The following CHCHD6 variants were observed in gnomAD, a reference collection of about 807,000 sequenced individuals.
CHCHD6 encodes the protein coiled-coil-helix-coiled-coil-helix domain containing 6.
CHCHD6 carries 28 observed loss-of-function variants against 32.3 expected under a neutral mutation model. The ratio of observed to expected loss-of-function variants is 0.87; its 90% confidence interval spans 0.64 to 1.19. The LOEUF (loss-of-function observed/expected upper bound fraction) is 1.19. Among genes scored for constraint, CHCHD6 ranks in the 50% most tolerant of loss-of-function variants. CHCHD6 has a pLI of 0.00. For missense variants in CHCHD6, 333 were observed against 307.0 expected, an observed-to-expected ratio of 1.08 and a Z score of -0.63; for synonymous variants, 122 against 117.5, an observed-to-expected ratio of 1.04 and a Z score of -0.25.
At chr3:126,825,644 A>G (rs1940356288) in intron 4 of CHCHD6, among the ~76,000 whole-genome samples, 1 of 152,156 alleles carries the variant, frequency 6.6e-6, no homozygotes, top group Non-Finnish European at 1.5e-5. Flanking sequence ...TCTTTGTAAA[A>G]TATCTTTCTT....
At chr3:126,928,500 G>A (rs749666931) in intron 6 of CHCHD6, among the ~76,000 whole-genome samples, 1 of 152,108 alleles carries the variant, frequency 6.6e-6, no homozygotes, top group African/African-American at 2.4e-5. Context: ...CTGGCCGCAC[G>A]TCACCTGTGG....
chr3:126,923,535 G>A (rs2078282464), intron 6 of CHCHD6, among the ~76,000 whole-genome samples: 1 of 152,130 alleles, frequency 6.6e-6, no homozygotes, highest in African/African-American at 2.4e-5. Flanking sequence ...CATGCAGCAG[G>A]GCTCTGTCTG....
At chr3:126,846,233 C>T (rs1405059920) in intron 4 of CHCHD6, among the ~76,000 whole-genome samples, 1 of 152,202 alleles carries the variant, frequency 6.6e-6, no homozygotes, top group Non-Finnish European at 1.5e-5. Context: ...TACAACCTGA[C>T]TCAGAGGTTG....
chr3:126,805,021 C>T (rs1334449415), intron 4 of CHCHD6, among the ~76,000 whole-genome samples: 1 of 152,118 alleles, frequency 6.6e-6, no homozygotes, highest in East Asian at 1.9e-4. Context: ...TAAAAACTCT[C>T]AATAAATTAG....
intron 5 of CHCHD6, among the ~76,000 whole-genome samples, chr3:126,855,522 C>T (rs1435270176): frequency 1.3e-5 from 2 of 152,164 alleles, no homozygotes; most frequent in African/African-American, 4.8e-5. Flanking sequence ...AATGGATGAG[C>T]ATGTGTGCAT....
At chr3:126,807,713 C>G (rs562159594) in intron 4 of CHCHD6, among the ~76,000 whole-genome samples, 4 of 152,322 alleles carry the variant, frequency 2.6e-5, no homozygotes, top group African/African-American at 9.6e-5. Context: ...CAGGATACAT[C>G]ATGAAATTTT....
At chr3:126,805,678 T>C (rs1576438712) in intron 4 of CHCHD6, among the ~76,000 whole-genome samples, 2 of 152,234 alleles carry the variant, frequency 1.3e-5, no homozygotes, top group African/African-American at 2.4e-5. Context: ...CAATGACTTT[T>C]TTCACAGAAT....
At chr3:126,861,580 TCCTCCATCACTA>T (rs1469949975) in intron 5 of CHCHD6, among the ~76,000 whole-genome samples, 2 of 149,692 alleles carry the variant, frequency 1.3e-5, no homozygotes, top group South Asian at 2.1e-4. Context: ...ATCCTCCTCA[TCCTCCATCACTA>T]CCTCCACCAT....
At chr3:126,798,612 G>T (rs573792302) in intron 4 of CHCHD6, among the ~76,000 whole-genome samples, 212 of 20,552 alleles carry the variant, frequency 0.01, no homozygotes, top group African/African-American at 0.074. Flanking sequence ...CCGCTCTGTG[G>T]CTTGGAGCTG....
At chr3:126,733,914 A>G (rs895293005) in intron 4 of CHCHD6, among the ~76,000 whole-genome samples, 31 of 152,124 alleles carry the variant, frequency 2.0e-4, no homozygotes, top group African/African-American at 7.0e-4. Flanking sequence ...TAGCATCATC[A>G]TGGACCTGGT....
At chr3:126,891,510 A>C (rs2077759544) in intron 5 of CHCHD6, among the ~76,000 whole-genome samples, 1 of 152,112 alleles carries the variant, frequency 6.6e-6, no homozygotes, top group Non-Finnish European at 1.5e-5. Context: ...AGGAACCAGG[A>C]GGCAGTTCCA....
At chr3:126,716,163 T>C (rs532310269) in intron 1 of CHCHD6, among the ~76,000 whole-genome samples, 1 of 152,298 alleles carries the variant, frequency 6.6e-6, no homozygotes, top group South Asian at 2.1e-4. Context: ...TGACTCCCAG[T>C]TCCAGCTTCC....
At chr3:126,896,513 G>A (rs1305364419) in intron 5 of CHCHD6, among the ~76,000 whole-genome samples, 1 of 152,170 alleles carries the variant, frequency 6.6e-6, no homozygotes, top group East Asian at 1.9e-4. Flanking sequence ...TGGTCTCTCA[G>A]AGTTCCTTTC....
intron 4 of CHCHD6, among the ~76,000 whole-genome samples, chr3:126,741,668 G>C (rs1455631909): frequency 6.6e-6 from 1 of 152,194 alleles, no homozygotes; most frequent in African/African-American, 2.4e-5. Context: ...GAAACAACTG[G>C]ATAAGACTCT....
chr3:126,877,223 T>C (rs1168533179), intron 5 of CHCHD6, among the ~76,000 whole-genome samples: 1 of 152,078 alleles, frequency 6.6e-6, no homozygotes, highest in Non-Finnish European at 1.5e-5. Context: ...TTATATATAG[T>C]TTGGCTTTTA....
At chr3:126,748,609 A>AG (rs201663161) in intron 4 of CHCHD6, among the ~76,000 whole-genome samples, 3,610 of 151,786 alleles carry the variant, frequency 0.024, 68 homozygotes, top group Non-Finnish European at 0.038. Context: ...AAAAAAAAAA[A>AG]AAAGAAAGAA....
intron 4 of CHCHD6, among the ~76,000 whole-genome samples, chr3:126,763,946 A>G (rs1363213720): frequency 2.6e-5 from 4 of 152,114 alleles, no homozygotes; most frequent in African/African-American, 9.7e-5. Flanking sequence ...ATGCTTTACA[A>G]TGGTTAAAAA....
At chr3:126,903,529 C>T (rs1213944181) in intron 5 of CHCHD6, among the ~76,000 whole-genome samples, 1 of 152,184 alleles carries the variant, frequency 6.6e-6, no homozygotes, top group African/African-American at 2.4e-5. Flanking sequence ...CTTCATGTCC[C>T]TTGATTTTTA....
chr3:126,771,728 G>C (rs1937546222), intron 4 of CHCHD6, among the ~76,000 whole-genome samples: 1 of 152,028 alleles, frequency 6.6e-6, no homozygotes, highest in Non-Finnish European at 1.5e-5. Context: ...TTGTGATTTA[G>C]GTTGTTAATT....
Sources: gnomAD v4.1 joint callset for allele counts (sites outside exome capture counted in the v4.1 genomes callset) on GRCh38, gnomAD v4.1.1 for gene constraint, MANE v1.5 for transcripts, NCBI Gene and HGNC (gene_info 2026-07-23, HGNC 2026-07-21) for gene names.